SLC30A8: variants seen among roughly 807,000 people sequenced by gnomAD.
SLC30A8 encodes the protein solute carrier family 30 member 8, also known as proton-coupled zinc antiporter SLC30A8.
A neutral mutation model predicts 36.9 loss-of-function variants in SLC30A8; 27 were observed. The observed-to-expected ratio is 0.73, with a 90% CI of 0.54 to 1.01. SLC30A8 has a LOEUF of 1.01. Ranked by LOEUF, SLC30A8 falls within the 50% of genes least tolerant of loss-of-function variation. The probability of loss-of-function intolerance (pLI) is 0.00; values close to 1 mark genes in which losing one functional copy is unlikely to be tolerated. For missense variants in SLC30A8, 439 were observed against 452.0 expected (o/e 0.97, Z 0.26); for synonymous variants, 164 against 172.4 (o/e 0.95, Z 0.38).
chr8:117,135,176 A>T lies in SLC30A8; in HGVS notation c.-152A>T. 2.1e-6 allele frequency: 1 copy of T among 482,290 alleles called. No homozygotes were observed. Among genetic ancestry groups the T allele is most frequent in the South Asian group, 5.0e-5 (1 of 20,034 alleles). The allele number at this position is 482,290 out of a possible 1,614,324, so 29.9% of individuals were successfully genotyped here. ...TAATTTTAGCAGACCTACCAACAAC[A>T]CTGATGTAGGAAGCTCATTATTTTA... On this transcript the variant is annotated 5_prime_UTR_variant, in exon 1 of 8. Transcript: ENST00000456015.
intron 2 of SLC30A8, among the ~76,000 whole-genome samples, chr8:117,044,316 G>T (rs187979545): frequency 3.2e-4 from 49 of 152,326 alleles, no homozygotes; most frequent in Non-Finnish European, 5.9e-4. Flanking sequence ...TTGGACAAAT[G>T]ACTGAGTACA....
At chr8:117,037,829 G>A (rs1817263462) in intron 1 of SLC30A8, among the ~76,000 whole-genome samples, 1 of 152,214 alleles carries the variant, frequency 6.6e-6, no homozygotes. Context: ...GATGCATTCT[G>A]TGGTAAGGGA....
chr8:116,994,593 C>A (rs866501843), intron 1 of SLC30A8, among the ~76,000 whole-genome samples: 5 of 152,056 alleles, frequency 3.3e-5, no homozygotes, highest in Non-Finnish European at 7.4e-5. Flanking sequence ...TAATCTATGC[C>A]GATTCAAACA....
chr8:117,118,972 A>G (rs1277898767), intron 2 of SLC30A8, among the ~76,000 whole-genome samples: 4 of 151,908 alleles, frequency 2.6e-5, no homozygotes. Flanking sequence ...TGGGCCTCTG[A>G]GACAGGCCTA....
At chr8:117,001,566 T>C (rs1034831652) in intron 1 of SLC30A8, among the ~76,000 whole-genome samples, 1 of 152,208 alleles carries the variant, frequency 6.6e-6, no homozygotes, top group Non-Finnish European at 1.5e-5. Context: ...TCTAAAATGA[T>C]GGTAATTATT....
rs114297358 is a variant in SLC30A8 at position 117,159,562 on chromosome 8, A to G, written c.572+1718A>G. 1.7e-3 allele frequency among the ~76,000 whole-genome samples: 262 copies of G among 152,342 alleles called. 3 individuals carry two copies. Among genetic ancestry groups the G allele is most frequent in the African/African-American group, 4.9e-3 (205 of 41,580 alleles). On this transcript the variant is annotated intron_variant, in intron 4 of 7. Transcript: ENST00000456015. ...GGTGTTTGATCTGCTGTCACTGACT[A>G]GATCCCCATCTTTAGCCAGTTAACT...
At chr8:116,970,559 C>G (rs1274947884) in intron 1 of SLC30A8, among the ~76,000 whole-genome samples, 1 of 152,194 alleles carries the variant, frequency 6.6e-6, no homozygotes, top group Non-Finnish European at 1.5e-5. Flanking sequence ...ACCAGAAACA[C>G]ATGAGCAATG....
intron 1 of SLC30A8, among the ~76,000 whole-genome samples, chr8:117,012,952 A>G (rs968082322): frequency 1.3e-5 from 2 of 152,062 alleles, no homozygotes; most frequent in Admixed American, 6.6e-5. Flanking sequence ...ATAATTCACT[A>G]TTGGCATGAC....
At position 116,998,231 on chromosome 8, in the gene SLC30A8, A is replaced by G. The variant is rs1815887511; in HGVS notation, c.-265-40988A>G. Among the ~76,000 whole-genome samples the G allele has an allele frequency of 2.0e-5, 3 of 152,240 alleles. No individual in the cohort carries two copies. The South Asian group carries it at 6.2e-4, about 31-fold the overall frequency. On this transcript the variant is annotated intron_variant, in intron 1 of 10. Transcript: ENST00000427715. ...GTTCAAATCAAGGCAAACATCTTCA[A>G]AAACTGGAAATGGAACAGAAACATG... is the stretch of plus-strand genomic sequence containing the variant.
chr8:117,018,847 G>GC (rs571851912), intron 1 of SLC30A8, among the ~76,000 whole-genome samples: 2 of 152,084 alleles, frequency 1.3e-5, no homozygotes, highest in South Asian at 4.1e-4. Flanking sequence ...TTTTAGTAGA[G>GC]ATGCGGTTTT....
intron 1 of SLC30A8, among the ~76,000 whole-genome samples, chr8:117,137,680 C>T (rs908501757): frequency 6.6e-6 from 1 of 151,920 alleles, no homozygotes; most frequent in African/African-American, 2.4e-5. Flanking sequence ...GGCTTCTCTC[C>T]CTGTATGATG....
chr8:117,094,409 C>G (rs2057700639), intron 2 of SLC30A8, among the ~76,000 whole-genome samples: 4 of 152,130 alleles, frequency 2.6e-5, no homozygotes, highest in Admixed American at 2.6e-4. Flanking sequence ...GCAGGGTGTC[C>G]TGATGAGTGT....
intron 2 of SLC30A8, among the ~76,000 whole-genome samples, chr8:117,126,835 G>A (rs1275485178): frequency 6.6e-6 from 1 of 152,060 alleles, no homozygotes; most frequent in Non-Finnish European, 1.5e-5. Flanking sequence ...AGCTCACTGT[G>A]CTTCTCACAG....
intron 2 of SLC30A8, among the ~76,000 whole-genome samples, chr8:117,052,169 C>T (rs1002460536): frequency 6.6e-6 from 1 of 152,118 alleles, no homozygotes; most frequent in Non-Finnish European, 1.5e-5. Flanking sequence ...CACCACCACA[C>T]CCAACTAATT....
intron 3 of SLC30A8, among the ~76,000 whole-genome samples, chr8:117,155,497 G>C (rs563294909): frequency 1.3e-5 from 2 of 152,208 alleles, no homozygotes; most frequent in East Asian, 3.9e-4. Context: ...AATTTCTTGA[G>C]TGTTTGCTAT....
chr8:117,149,087 T>C (rs1332092411), intron 2 of SLC30A8, among the ~76,000 whole-genome samples: 1 of 152,246 alleles, frequency 6.6e-6, no homozygotes, highest in African/African-American at 2.4e-5. Flanking sequence ...TACCTTATGC[T>C]AAATCAAATC....
At position 117,174,134 on chromosome 8, in the gene SLC30A8, C is replaced by T. The variant is rs1823546376; in HGVS notation, c.*1453C>T. ...TTTTAAAACTACATACTTTTTGCAA[C>T]TTTATGGTTATGAGTATTGTAGAGA... On this transcript the variant is annotated 3_prime_UTR_variant, in exon 8 of 8. Coordinates refer to ENST00000456015, the MANE Select transcript of SLC30A8 (RefSeq NM_173851.3). 6.6e-6 allele frequency: 1 copy of T among 152,074 alleles called. No homozygotes were observed. The highest frequency in any genetic ancestry group is 2.1e-4 in the South Asian group (1 of 4,828). The allele number at this position is 152,074 out of a possible 1,614,324, so 9.4% of individuals were successfully genotyped here.
chr8:116,981,990 T>TA (rs1330183984), intron 1 of SLC30A8, among the ~76,000 whole-genome samples: 1 of 152,182 alleles, frequency 6.6e-6, no homozygotes, highest in East Asian at 1.9e-4. Flanking sequence ...GAGAAATTGT[T>TA]ACACTGCTTT....
chr8:117,173,894 T>C lies in SLC30A8; in HGVS notation c.*1213T>C, dbSNP rs1563645227. 1 of 152,136 alleles carries C rather than the reference T, an allele frequency of 6.6e-6. No homozygotes were observed. The highest frequency in any genetic ancestry group is 1.5e-5 in the Non-Finnish European group (1 of 68,010). The allele number at this position is 152,136 out of a possible 1,614,324, so 9.4% of individuals were successfully genotyped here. On this transcript the variant is annotated 3_prime_UTR_variant, in exon 8 of 8. Coordinates refer to ENST00000456015, the MANE Select transcript of SLC30A8 (RefSeq NM_173851.3). ...GGGTATAAAAGGAAAGCGATGGATA[T>C]TGCCGGATGGGCATGGCCAGTGATG...
Sources: gnomAD v4.1 joint callset for allele counts (sites outside exome capture counted in the v4.1 genomes callset) on GRCh38, gnomAD v4.1.1 for gene constraint, MANE v1.5 for transcripts, NCBI Gene and HGNC (gene_info 2026-07-23, HGNC 2026-07-21) for gene names.